SPAG16: variants seen among roughly 807,000 people sequenced by gnomAD.
SPAG16 encodes sperm-associated antigen 16 protein.
SPAG16 carries 86 observed loss-of-function variants against 80.4 expected under a neutral mutation model. The ratio of observed to expected loss-of-function variants is 1.07; its 90% CI spans 0.90 to 1.28. SPAG16 has a LOEUF of 1.28. Ranked by LOEUF, SPAG16 falls within the 50% of genes most tolerant of loss-of-function variation. SPAG16 has a pLI of 0.00. For missense variants in SPAG16, 870 were observed against 765.3 expected (o/e 1.14, Z -1.61); for synonymous variants, 294 against 265.9 (o/e 1.11, Z -1.03).
At chr2:214,335,014 G>A (rs1260243574) in intron 15 of SPAG16, among the ~76,000 whole-genome samples, 3 of 152,148 alleles carry the variant, frequency 2.0e-5, no homozygotes, top group African/African-American at 7.2e-5. Context: ...AGGGATGCTC[G>A]CAGGAAAAGA....
intron 9 of SPAG16, among the ~76,000 whole-genome samples, chr2:213,436,174 A>C (rs964214598): frequency 1.3e-5 from 2 of 152,150 alleles, no homozygotes; most frequent in Admixed American, 6.5e-5. Flanking sequence ...ATTTAATCAC[A>C]TTTTTCTACA....
At chr2:213,410,881 A>G (rs1377022274) in intron 9 of SPAG16, among the ~76,000 whole-genome samples, 1 of 152,178 alleles carries the variant, frequency 6.6e-6, no homozygotes, top group Non-Finnish European at 1.5e-5. Flanking sequence ...TCTCTGCTAT[A>G]TCCTGAAGTC....
rs186932728 is a variant in SPAG16, at chr2:213,389,232, G to A, written c.942+14113G>A. Reference sequence around the variant, plus strand: ...ATCTACATGCAAAATAATAAAGTTGGACCCTTACTAATACCATATACAAAA... The same window carrying A: ...ATCTACATGCAAAATAATAAAGTTGAACCCTTACTAATACCATATACAAAA... On this transcript the variant is annotated intron_variant, in intron 9 of 15. Transcript: ENST00000331683. Among the ~76,000 whole-genome samples the A allele has an allele frequency of 1.7e-4, 26 of 152,108 alleles. 1 individual carries two copies. The highest frequency in any genetic ancestry group is 6.3e-4 in the African/African-American group (26 of 41,500).
chr2:214,294,676 AT>A (rs1253188208), intron 15 of SPAG16, among the ~76,000 whole-genome samples: 2 of 152,220 alleles, frequency 1.3e-5, no homozygotes, highest in African/African-American at 4.8e-5. Context: ...CAAGTCATGA[AT>A]TTAGTCATAA....
intron 9 of SPAG16, among the ~76,000 whole-genome samples, chr2:213,457,740 TA>T (rs979259058): frequency 5.3e-5 from 8 of 152,208 alleles, no homozygotes; most frequent in Non-Finnish European, 8.8e-5. Flanking sequence ...AGCATATGCT[TA>T]AATTTTACTT....
At chr2:213,597,892 C>T (rs2060936947) in intron 10 of SPAG16, among the ~76,000 whole-genome samples, 1 of 152,180 alleles carries the variant, frequency 6.6e-6, no homozygotes, top group Non-Finnish European at 1.5e-5. Flanking sequence ...TTGATGCAGC[C>T]AGGCTTTCTC....
intron 9 of SPAG16, among the ~76,000 whole-genome samples, chr2:213,423,112 G>T (rs972899009): frequency 6.6e-6 from 1 of 152,220 alleles, no homozygotes; most frequent in African/African-American, 2.4e-5. Flanking sequence ...CTCATTTAGG[G>T]AGATGAATCA....
intron 6 of SPAG16, among the ~76,000 whole-genome samples, chr2:213,344,855 A>C (rs929716580): frequency 7.9e-5 from 12 of 152,054 alleles, no homozygotes; most frequent in South Asian, 2.1e-4. Flanking sequence ...GTGCATGTGT[A>C]TTTATAGCAG....
At chr2:213,477,862 C>T (rs2073501572) in intron 9 of SPAG16, among the ~76,000 whole-genome samples, 1 of 152,036 alleles carries the variant, frequency 6.6e-6, no homozygotes. Context: ...GGGCCAGGGG[C>T]AGAATGATAT....
At chr2:214,113,455 A>G (rs2053779050) in intron 14 of SPAG16, among the ~76,000 whole-genome samples, 1 of 152,180 alleles carries the variant, frequency 6.6e-6, no homozygotes, top group Non-Finnish European at 1.5e-5. Flanking sequence ...TTTCAGATAC[A>G]CCAATCAAAT....
At chr2:213,332,019 T>A (rs2064130449) in intron 5 of SPAG16, among the ~76,000 whole-genome samples, 1 of 151,720 alleles carries the variant, frequency 6.6e-6, no homozygotes, top group Admixed American at 6.6e-5. Context: ...AAGATTAGTA[T>A]AAAAAATAAA....
At chr2:214,076,513 C>CTGTG (rs71399105) in intron 13 of SPAG16, among the ~76,000 whole-genome samples, 55 of 143,426 alleles carry the variant, frequency 3.8e-4, no homozygotes, top group East Asian at 1.1e-3. Context: ...TTATTTTATT[C>CTGTG]TGTGTGTGTG....
chr2:214,409,003 A>G (rs1441527498), intron 15 of SPAG16, among the ~76,000 whole-genome samples: 1 of 150,772 alleles, frequency 6.6e-6, no homozygotes, highest in Non-Finnish European at 1.5e-5. Flanking sequence ...TATTAATACT[A>G]ACTAATATAT....
At chr2:213,649,825 C>A (rs1241507955) in intron 10 of SPAG16, among the ~76,000 whole-genome samples, 1 of 152,014 alleles carries the variant, frequency 6.6e-6, no homozygotes, top group African/African-American at 2.4e-5. Flanking sequence ...GCCTCTGAAA[C>A]ATGAGCCACT....
intron 7 of SPAG16, among the ~76,000 whole-genome samples, chr2:213,358,243 A>G (rs539784916): frequency 6.6e-6 from 1 of 151,696 alleles, no homozygotes; most frequent in East Asian, 1.9e-4. Flanking sequence ...TCTTAGGGTT[A>G]CTCTTCTTGG....
At chr2:214,203,196 C>G (rs2058054661) in intron 15 of SPAG16, among the ~76,000 whole-genome samples, 1 of 150,112 alleles carries the variant, frequency 6.7e-6, no homozygotes, top group South Asian at 2.1e-4. Context: ...TGGATGATGT[C>G]CAATTTAAAC....
chr2:214,030,036 C>G (rs76991005), intron 13 of SPAG16, among the ~76,000 whole-genome samples: 4,265 of 152,180 alleles, frequency 0.028, 124 homozygotes, highest in South Asian at 0.15. Flanking sequence ...GTGCACAATA[C>G]TATGTTGTTA....
At chr2:213,768,460 G>A (rs1402574440) in intron 10 of SPAG16, among the ~76,000 whole-genome samples, 1 of 152,128 alleles carries the variant, frequency 6.6e-6, no homozygotes, top group Non-Finnish European at 1.5e-5. Flanking sequence ...ACTTAGACTA[G>A]TAGACTTCAC....
intron 11 of SPAG16, among the ~76,000 whole-genome samples, chr2:213,887,858 A>G (rs550477849): frequency 7.9e-5 from 12 of 151,922 alleles, no homozygotes; most frequent in African/African-American, 2.6e-4. Context: ...ATTGTACTTT[A>G]TCTTTTCCAC....
Sources: gnomAD v4.1 joint callset for allele counts (sites outside exome capture counted in the v4.1 genomes callset) on GRCh38, gnomAD v4.1.1 for gene constraint, MANE v1.5 for transcripts, NCBI Gene and HGNC (gene_info 2026-07-23, HGNC 2026-07-21) for gene names.